Variants in CRB1 observed in about 807,000 individuals in gnomAD.
The protein encoded by CRB1 is protein crumbs homolog 1.
Under a neutral mutation model 120.0 loss-of-function variants are expected in CRB1, and 83 were observed. That is an observed-to-expected ratio of 0.69 (90% CI 0.58 to 0.83). The LOEUF (loss-of-function observed/expected upper bound fraction) is 0.83. Among genes scored for constraint, CRB1 ranks in the 40% least tolerant of loss-of-function variants. The pLI is 0.00. For missense variants in CRB1, 1,699 were observed against 1,687.6 expected (o/e 1.01, Z -0.12); for synonymous variants, 625 against 612.5 (o/e 1.02, Z -0.30).
At chr1:197,270,858 G>T (rs1654867795) in intron 1 of CRB1, among the ~76,000 whole-genome samples, 2 of 152,118 alleles carry the variant, frequency 1.3e-5, no homozygotes, top group Admixed American at 1.3e-4. Flanking sequence ...AAGTGATAAT[G>T]CTTAAGCAGA....
intron 1 of CRB1, among the ~76,000 whole-genome samples, chr1:197,277,838 C>A (rs3790380): frequency 0.58 from 88,088 of 151,602 alleles, 29,146 homozygotes; most frequent in East Asian, 0.91. Flanking sequence ...CTAATTACCA[C>A]GTTTTTTCAA....
At chr1:197,316,319 G>C (rs1657837383) in intron 1 of CRB1, among the ~76,000 whole-genome samples, 2 of 151,922 alleles carry the variant, frequency 1.3e-5, no homozygotes, top group African/African-American at 4.8e-5. Context: ...TAAGTAGCTG[G>C]GACTACAGGC....
chr1:197,252,582 A>ATGTATATATATATATGTGTGTG, the CRB1 span, among the ~76,000 whole-genome samples: 1 of 15,512 alleles, frequency 6.4e-5, no homozygotes, highest in Admixed American at 1.1e-3. Context: ...ATATATATAT[A>ATGTATATATATATATGTGTGTG]TGTGTGTGTG....
intron 11 of CRB1, among the ~76,000 whole-genome samples, chr1:197,465,423 T>C (rs557424768): frequency 2.1e-4 from 32 of 152,296 alleles, no homozygotes; most frequent in Middle Eastern, 3.4e-3. Flanking sequence ...CTTTAAAACC[T>C]ATAGACTTTT....
chr1:197,469,613 T>C (rs975864609), intron 11 of CRB1, among the ~76,000 whole-genome samples: 8 of 151,624 alleles, frequency 5.3e-5, no homozygotes, highest in African/African-American at 1.9e-4. Context: ...TTTTCTAAAA[T>C]GAAATAAAGA....
At position 197,427,730 on chromosome 1, in the gene CRB1, C is replaced by T. The variant is rs1558132026; in HGVS notation, c.2405C>T (p.Pro802Leu). 6.2e-7 allele frequency: 1 copy of T among 1,613,852 alleles called. No individual in the cohort carries two copies. The highest frequency in any genetic ancestry group is 8.5e-7 in the Non-Finnish European group (1 of 1,179,908). Residue 802 changes from proline to leucine, a missense_variant, in exon 7 of 12, where the codon CCA (proline) becomes CTA (leucine). Physicochemically the swap from Pro to Leu is moderately conservative, Grantham distance 98. Transcript: ENST00000367400. ...CACTTGATATCTTTGAAAATCAAGCCATATAAAATTGAACTGTATCAGTCT... is the reference window on the plus strand; with the variant it reads ...CACTTGATATCTTTGAAAATCAAGCTATATAAAATTGAACTGTATCAGTCT... ...NVHLISLKIK[P>L]YKIELYQSSQ...
chr1:197,389,378 T>G lies in CRB1; in HGVS notation c.1172-31622T>G, dbSNP rs139348934. Among the ~76,000 whole-genome samples the G allele has an allele frequency of 6.7e-3, 1,013 of 152,276 alleles. 14 individuals are homozygous for G. Among genetic ancestry groups the G allele is most frequent in the African/African-American group, 0.023 (952 of 41,552 alleles). On this transcript the variant is annotated intron_variant, in intron 5 of 11. Transcript: ENST00000367400. ...TTCAGGCTTAAAAAGCAAGGACATTTTGACATATGCTACAACATAGATGAA... is the reference window on the plus strand; with the variant it reads ...TTCAGGCTTAAAAAGCAAGGACATTGTGACATATGCTACAACATAGATGAA...
chr1:197,386,840 T>G (rs1446953005), intron 5 of CRB1, among the ~76,000 whole-genome samples: 1 of 152,148 alleles, frequency 6.6e-6, no homozygotes, highest in African/African-American at 2.4e-5. Flanking sequence ...GCGAATATTT[T>G]CCCTGCTTTT....
At chr1:197,311,743 GTGTT>G (rs1657539416) in intron 1 of CRB1, among the ~76,000 whole-genome samples, 1 of 137,960 alleles carries the variant, frequency 7.2e-6, no homozygotes, top group South Asian at 2.3e-4. Flanking sequence ...GTGTGTGTGT[GTGTT>G]GAGAAGATTT....
chr1:197,387,871 A>G (rs980599446), intron 5 of CRB1, among the ~76,000 whole-genome samples: 15 of 151,924 alleles, frequency 9.9e-5, no homozygotes, highest in African/African-American at 3.6e-4. Flanking sequence ...AAAATAATAT[A>G]TGTAATATAT....
At chr1:197,303,846 A>G in intron 1 of CRB1, among the ~76,000 whole-genome samples, 1 of 152,088 alleles carries the variant, frequency 6.6e-6, no homozygotes, top group East Asian at 1.9e-4. Context: ...ATTGAAGCTG[A>G]GAGTGTTGGT....
the CRB1 span, among the ~76,000 whole-genome samples, chr1:197,212,518 CTCTAT>C: frequency 1.3e-5 from 2 of 152,028 alleles, no homozygotes; most frequent in African/African-American, 2.4e-5. Flanking sequence ...TACAAAAGGA[CTCTAT>C]TCTATCTGAT....
At chr1:197,477,639 A>G in intron 11 of CRB1, 25 bp from the exon 12 acceptor site, 6 of 1,607,610 alleles carry the variant, frequency 3.7e-6, no homozygotes, top group Non-Finnish European at 5.1e-6. Context: ...TAGAATTCGC[A>G]TCCCAATGAT....
intron 5 of CRB1, among the ~76,000 whole-genome samples, chr1:197,371,092 G>A (rs907906354): frequency 2.6e-5 from 4 of 152,230 alleles, no homozygotes; most frequent in African/African-American, 9.6e-5. Flanking sequence ...AGCCTAGTCT[G>A]TTGTCTTAAC....
At chr1:197,269,130 G>C (rs2125194961) in intron 1 of CRB1, among the ~76,000 whole-genome samples, 1 of 152,304 alleles carries the variant, frequency 6.6e-6, no homozygotes, top group African/African-American at 2.4e-5. Context: ...AATCAGAGGA[G>C]ACCAAATTGC....
chr1:197,379,455 A>G (rs1439451097), intron 5 of CRB1, among the ~76,000 whole-genome samples: 2 of 151,552 alleles, frequency 1.3e-5, no homozygotes, highest in Non-Finnish European at 2.9e-5. Context: ...TCCCGCCACC[A>G]CGCCTGGCAA....
At chr1:197,403,799 T>G (rs1437477274) in intron 5 of CRB1, among the ~76,000 whole-genome samples, 1 of 152,040 alleles carries the variant, frequency 6.6e-6, no homozygotes, top group Non-Finnish European at 1.5e-5. Flanking sequence ...TCTCTCCCCC[T>G]GCCCCGCTCT....
chr1:197,471,929 C>T (rs1157627535), intron 11 of CRB1, among the ~76,000 whole-genome samples: 1 of 152,102 alleles, frequency 6.6e-6, no homozygotes, highest in Non-Finnish European at 1.5e-5. Context: ...ATTTGTATTC[C>T]TTTTTTAAAA....
chr1:197,287,979 A>C (rs367594117), intron 1 of CRB1, among the ~76,000 whole-genome samples: 1 of 151,804 alleles, frequency 6.6e-6, no homozygotes, highest in Non-Finnish European at 1.5e-5. Flanking sequence ...GAAAACAAAC[A>C]AGGTGAGCCC....
Sources: allele counts gnomAD v4.1 joint callset (sites outside exome capture counted in the v4.1 genomes callset), GRCh38; gene constraint gnomAD v4.1.1; transcripts MANE v1.5; gene names NCBI Gene and HGNC (gene_info 2026-07-23, HGNC 2026-07-21).